The following ADAMTSL1 variants were observed in gnomAD, a reference collection of about 807,000 sequenced individuals.
ADAMTSL1 encodes the protein ADAMTS-like protein 1.
ADAMTSL1 carries 126 observed loss-of-function variants against 201.8 expected under a neutral mutation model. That is an observed-to-expected ratio of 0.62 (90% CI 0.54 to 0.72). The LOEUF (loss-of-function observed/expected upper bound fraction) is 0.72. Ranked by LOEUF, ADAMTSL1 falls within the 30% of genes least tolerant of loss-of-function variation. ADAMTSL1 has a pLI of 0.00. For missense variants in ADAMTSL1, 2,679 were observed against 2,277.8 expected (o/e 1.18, Z -3.59); for synonymous variants, 1,121 against 903.4 (o/e 1.24, Z -4.32).
At chr9:17,981,461 A>G (rs1036621536) in intron 1 of ADAMTSL1, among the ~76,000 whole-genome samples, 1 of 152,066 alleles carries the variant, frequency 6.6e-6, no homozygotes, top group Non-Finnish European at 1.5e-5. Flanking sequence ...TCTGCTTTTT[A>G]TTTGTGCTGG....
intron 4 of ADAMTSL1, among the ~76,000 whole-genome samples, chr9:18,587,486 G>A (rs954185207): frequency 6.6e-6 from 1 of 151,936 alleles, no homozygotes; most frequent in Admixed American, 6.6e-5. Flanking sequence ...TCTTTGTATG[G>A]GGAGCATTAC....
chr9:17,963,151 C>T (rs1453690557), intron 1 of ADAMTSL1, among the ~76,000 whole-genome samples: 2 of 152,158 alleles, frequency 1.3e-5, no homozygotes, highest in African/African-American at 2.4e-5. Flanking sequence ...ATCTAGCTCC[C>T]TTTCTGAGGC....
intron 1 of ADAMTSL1, among the ~76,000 whole-genome samples, chr9:17,915,602 T>C (rs547021049): frequency 6.6e-6 from 1 of 152,338 alleles, no homozygotes; most frequent in East Asian, 1.9e-4. Flanking sequence ...GGCTGAATAA[T>C]ATAGTAGGTG....
chr9:18,148,515 T>C (rs1167857534), intron 1 of ADAMTSL1, among the ~76,000 whole-genome samples: 2 of 152,048 alleles, frequency 1.3e-5, no homozygotes, highest in African/African-American at 4.8e-5. Flanking sequence ...GTTAGAAGCA[T>C]CCATGAATTC....
intron 2 of ADAMTSL1, among the ~76,000 whole-genome samples, chr9:18,199,329 A>G (rs12378891): frequency 0.39 from 59,010 of 152,004 alleles, 11,929 homozygotes; most frequent in East Asian, 0.54. Flanking sequence ...GAATTGAAAT[A>G]TGCAGGTCAG....
intron 1 of ADAMTSL1, among the ~76,000 whole-genome samples, chr9:18,115,605 C>G (rs970271333): frequency 3.3e-5 from 5 of 152,138 alleles, no homozygotes; most frequent in Non-Finnish European, 7.4e-5. Context: ...GTTCTGGGCA[C>G]TTTTCTAGTG....
At chr9:18,043,055 T>A (rs189820236) in intron 1 of ADAMTSL1, among the ~76,000 whole-genome samples, 217 of 152,274 alleles carry the variant, frequency 1.4e-3, no homozygotes, top group Admixed American at 3.1e-3. Flanking sequence ...AACAGGAACA[T>A]TTACACGCTA....
rs951129446 is a variant in ADAMTSL1, at chr9:18,843,460, G to A, written c.4249+13483G>A. Among the ~76,000 whole-genome samples the A allele has an allele frequency of 8.0e-5, 12 of 150,548 alleles. 1 individual carries two copies. The highest frequency in any genetic ancestry group is 1.9e-4 in the East Asian group (1 of 5,186). On this transcript the variant is annotated intron_variant, in intron 23 of 28. Transcript: ENST00000380548. ...TAACCCGACCTTTCTCTCTGGCTGC[G>A]TTTAACATTTTTTCCTTCATTTCAA... is the stretch of plus-strand genomic sequence containing the variant.
intron 1 of ADAMTSL1, among the ~76,000 whole-genome samples, chr9:18,063,258 G>A (rs1822541981): frequency 6.6e-6 from 1 of 152,150 alleles, no homozygotes; most frequent in South Asian, 2.1e-4. Flanking sequence ...CTGAGTTAGG[G>A]AGATCACTTG....
chr9:18,017,703 G>C (rs73643493), intron 1 of ADAMTSL1, among the ~76,000 whole-genome samples: 2,237 of 152,060 alleles, frequency 0.015, 58 homozygotes, highest in African/African-American at 0.051. Flanking sequence ...TGGAGGAGCT[G>C]TGAACTGGCT....
At chr9:18,219,999 A>AT (rs1397262252) in intron 2 of ADAMTSL1, among the ~76,000 whole-genome samples, 5 of 151,984 alleles carry the variant, frequency 3.3e-5, no homozygotes, top group Admixed American at 2.6e-4. Context: ...ATAATTGATT[A>AT]TTTTTTATTT....
intron 2 of ADAMTSL1, among the ~76,000 whole-genome samples, chr9:18,206,053 C>CAAAAA (rs71333031): frequency 4.0e-4 from 22 of 54,350 alleles, no homozygotes; most frequent in Non-Finnish European, 4.8e-4. Context: ...GACTCCATCT[C>CAAAAA]AAAAAAAAAA....
In ADAMTSL1 at chr9:18,886,939, G is replaced by T. The variant is rs777015233; in HGVS notation, c.4250-892G>T. On this transcript the variant is annotated intron_variant, in intron 23 of 28. Transcript: ENST00000380548. Reference sequence around the variant, plus strand: ...GCTGAGATCTCCCTAGAAGAGGGAAGATAGTCTTAATTATCTTAACTGTCC... The same window carrying T: ...GCTGAGATCTCCCTAGAAGAGGGAATATAGTCTTAATTATCTTAACTGTCC... Among the ~76,000 whole-genome samples, 40 of 152,296 alleles carry T rather than the reference G, an allele frequency of 2.6e-4. No homozygotes were observed. The Middle Eastern group carries it at 0.01, about 39-fold the overall frequency.
intron 1 of ADAMTSL1, among the ~76,000 whole-genome samples, chr9:18,058,000 G>T (rs529980766): frequency 2.0e-5 from 3 of 152,304 alleles, no homozygotes; most frequent in East Asian, 3.9e-4. Context: ...CTATAAGTCA[G>T]CAGGGAAGGG....
intron 19 of ADAMTSL1, among the ~76,000 whole-genome samples, chr9:18,778,387 G>C (rs564249775): frequency 1.3e-5 from 2 of 152,356 alleles, no homozygotes; most frequent in Admixed American, 1.3e-4. Flanking sequence ...GTGTATCTGT[G>C]CTGGACAAGG....
At chr9:18,399,413 C>T (rs899963664) in intron 2 of ADAMTSL1, among the ~76,000 whole-genome samples, 1 of 149,812 alleles carries the variant, frequency 6.7e-6, no homozygotes, top group East Asian at 2.0e-4. Flanking sequence ...GATCTCGGCT[C>T]ACTGCAACCT....
At chr9:18,766,799 A>C (rs973578864) in intron 16 of ADAMTSL1, among the ~76,000 whole-genome samples, 5 of 117,946 alleles carry the variant, frequency 4.2e-5, no homozygotes, top group African/African-American at 1.4e-4. Flanking sequence ...ATCATCTCCC[A>C]AAAGTCCTCA....
intron 20 of ADAMTSL1, among the ~76,000 whole-genome samples, chr9:18,807,470 C>G (rs1042589057): frequency 6.6e-6 from 1 of 151,994 alleles, no homozygotes; most frequent in African/African-American, 2.4e-5. Context: ...CGGTGAAACC[C>G]CGTCTCTACT....
At chr9:18,495,013 G>T (rs1055010142) in intron 1 of ADAMTSL1, among the ~76,000 whole-genome samples, 6 of 152,168 alleles carry the variant, frequency 3.9e-5, no homozygotes, top group African/African-American at 7.2e-5. Flanking sequence ...ATTGCAAAGT[G>T]CCAGGCATGA....
Sources: allele counts gnomAD v4.1 joint callset (sites outside exome capture counted in the v4.1 genomes callset), GRCh38; gene constraint gnomAD v4.1.1; transcripts MANE v1.5; gene names NCBI Gene and HGNC (gene_info 2026-07-23, HGNC 2026-07-21).